The following ERC2 variants were observed in gnomAD, a reference collection of about 807,000 sequenced individuals.
ERC2 encodes the protein ELKS/RAB6-interacting/CAST family member 2, also known as ERC protein 2.
ERC2 carries 42 observed loss-of-function variants against 114.8 expected under a neutral mutation model. The observed-to-expected ratio is 0.37, with a 90% confidence interval of 0.29 to 0.47. The LOEUF (loss-of-function observed/expected upper bound fraction) is 0.47. ERC2 is among the 20% of genes least tolerant of loss of function. The probability of loss-of-function intolerance (pLI) is 0.99; values close to 1 mark genes in which losing one functional copy is unlikely to be tolerated. For missense variants in ERC2, 939 were observed against 1,150.7 expected (o/e 0.82, Z 2.66); for synonymous variants, 454 against 425.5 (o/e 1.07, Z -0.82).
At chr3:56,383,258 C>G (rs2059818000) in intron 2 of ERC2, among the ~76,000 whole-genome samples, 2 of 152,078 alleles carry the variant, frequency 1.3e-5, no homozygotes, top group South Asian at 4.2e-4. Flanking sequence ...CATCCCATCG[C>G]CCTTCTATTC....
At chr3:56,161,479 T>C (rs150685056) in intron 4 of ERC2, among the ~76,000 whole-genome samples, 130 of 152,334 alleles carry the variant, frequency 8.5e-4, no homozygotes, top group African/African-American at 3.0e-3. Flanking sequence ...AATCTGCAAA[T>C]TGCTTTAGGC....
chr3:56,352,145 G>C (rs1349771459), intron 2 of ERC2, among the ~76,000 whole-genome samples: 1 of 152,180 alleles, frequency 6.6e-6, no homozygotes, highest in South Asian at 2.1e-4. Context: ...TACATGTCCA[G>C]ATTAACATTA....
chr3:55,549,572 C>A (rs952194279), intron 17 of ERC2, among the ~76,000 whole-genome samples: 1 of 149,240 alleles, frequency 6.7e-6, no homozygotes, highest in Non-Finnish European at 1.5e-5. Context: ...AGCTGCTCTG[C>A]AAGGCTGTTA....
At chr3:55,541,665 A>G (rs532418360) in intron 17 of ERC2, among the ~76,000 whole-genome samples, 1 of 152,354 alleles carries the variant, frequency 6.6e-6, no homozygotes, top group South Asian at 2.1e-4. Flanking sequence ...TCCAACATAA[A>G]AATTGGCCAT....
intron 2 of ERC2, among the ~76,000 whole-genome samples, chr3:56,329,425 G>A (rs1359878898): frequency 1.3e-5 from 2 of 152,174 alleles, no homozygotes; most frequent in Non-Finnish European, 2.9e-5. Flanking sequence ...CTCACAGTGA[G>A]GTTCAGAGAA....
chr3:56,264,706 C>G (rs2053174695), intron 3 of ERC2, among the ~76,000 whole-genome samples: 1 of 150,650 alleles, frequency 6.6e-6, no homozygotes, highest in African/African-American at 2.4e-5. Flanking sequence ...TGTAGAAAGC[C>G]CTATAAAGAC....
chr3:56,427,398 T>A (rs1461741102), intron 2 of ERC2, among the ~76,000 whole-genome samples: 1 of 152,108 alleles, frequency 6.6e-6, no homozygotes, highest in African/African-American at 2.4e-5. Context: ...AGTATTGGGA[T>A]TACAGGCTTG....
At chr3:56,387,608 C>T (rs975067757) in intron 2 of ERC2, among the ~76,000 whole-genome samples, 5 of 152,188 alleles carry the variant, frequency 3.3e-5, no homozygotes, top group Admixed American at 6.5e-5. Flanking sequence ...GCTAATGCAT[C>T]CAAGCCCTTG....
At chr3:55,636,065 G>A (rs1043120669) in intron 17 of ERC2, among the ~76,000 whole-genome samples, 1 of 151,452 alleles carries the variant, frequency 6.6e-6, no homozygotes, top group Non-Finnish European at 1.5e-5. Flanking sequence ...TAGTAGAGGC[G>A]GGGTTTCACC....
intron 14 of ERC2, among the ~76,000 whole-genome samples, chr3:55,834,104 A>G (rs1313693959): frequency 2.0e-5 from 3 of 151,976 alleles, no homozygotes; most frequent in African/African-American, 2.4e-5. Context: ...ACCCAGATTC[A>G]TAAAGCAAGT....
At chr3:56,260,510 C>A (rs1291861026) in intron 3 of ERC2, among the ~76,000 whole-genome samples, 1 of 152,202 alleles carries the variant, frequency 6.6e-6, no homozygotes, top group Non-Finnish European at 1.5e-5. Context: ...CTCAAGCAGC[C>A]CTTCTGTTAC....
intron 3 of ERC2, among the ~76,000 whole-genome samples, chr3:56,258,521 G>A (rs1336595968): frequency 6.6e-6 from 1 of 152,180 alleles, no homozygotes; most frequent in Non-Finnish European, 1.5e-5. Flanking sequence ...GGGCGTGGTG[G>A]TGGGCCCCTG....
At chr3:55,591,599 G>GTGTGTGTGTGTT (rs1386505968) in intron 17 of ERC2, among the ~76,000 whole-genome samples, 1 of 151,754 alleles carries the variant, frequency 6.6e-6, no homozygotes, top group African/African-American at 2.4e-5. Flanking sequence ...GTGTGTGTGT[G>GTGTGTGTGTGTT]TGCGCGCGCG....
intron 15 of ERC2, among the ~76,000 whole-genome samples, chr3:55,733,542 T>TCA (rs58311179): frequency 0.058 from 6,194 of 107,718 alleles, 567 homozygotes; most frequent in African/African-American, 0.11. Context: ...TCTCTCTCTC[T>TCA]CACACACACA....
chr3:55,525,246 T>C (rs757705133), intron 17 of ERC2, among the ~76,000 whole-genome samples: 1 of 152,220 alleles, frequency 6.6e-6, no homozygotes, highest in South Asian at 2.1e-4. Context: ...TCTCATTCAT[T>C]CATGCATTCA....
At chr3:55,916,702 G>T (rs1297785957) in intron 13 of ERC2, among the ~76,000 whole-genome samples, 6 of 152,106 alleles carry the variant, frequency 3.9e-5, no homozygotes, top group African/African-American at 9.7e-5. Flanking sequence ...TCAGCTTCAG[G>T]AGTAGCCCTG....
intron 14 of ERC2, among the ~76,000 whole-genome samples, chr3:55,773,992 A>G (rs986005243): frequency 6.6e-6 from 1 of 152,192 alleles, no homozygotes; most frequent in Non-Finnish European, 1.5e-5. Flanking sequence ...TGCCCAAAGT[A>G]TTCTAACCAG....
intron 14 of ERC2, among the ~76,000 whole-genome samples, chr3:55,818,035 G>A (rs557589616): frequency 1.3e-5 from 2 of 152,160 alleles, no homozygotes; most frequent in African/African-American, 4.8e-5. Context: ...CTTTCACGAG[G>A]CACCTCACTT....
intron 14 of ERC2, among the ~76,000 whole-genome samples, chr3:55,759,462 TAAAAAAAAAAA>T (rs540204065): frequency 3.9e-4 from 14 of 36,062 alleles, no homozygotes; most frequent in African/African-American, 1.4e-3. Flanking sequence ...TCTCTTTCAT[TAAAAAAAAAAA>T]AAAAAAAAAA....
Sources: allele counts gnomAD v4.1 joint callset (sites outside exome capture counted in the v4.1 genomes callset), GRCh38; gene constraint gnomAD v4.1.1; transcripts MANE v1.5; gene names NCBI Gene and HGNC (gene_info 2026-07-23, HGNC 2026-07-21).